SIN3A: variants seen among roughly 807,000 people sequenced by gnomAD.
SIN3A encodes SIN3 transcription regulator family member A.
Under a neutral mutation model 146.1 loss-of-function variants are expected in SIN3A, and 14 were observed. The observed-to-expected ratio is 0.10, with a 90% CI of 0.06 to 0.15. The LOEUF (loss-of-function observed/expected upper bound fraction) is 0.15, where lower values mean the gene tolerates loss of function less well. SIN3A is among the 10% of genes least tolerant of loss of function. The pLI, the probability that SIN3A is intolerant of heterozygous loss-of-function variation, is 1.00. For missense variants in SIN3A, 1,028 were observed against 1,576.0 expected (o/e 0.65, Z 5.89); for synonymous variants, 572 against 572.0 (o/e 1.00, Z 0.00).
chr15:75,451,184 G>A (rs2074400275), intron 1 of SIN3A, among the ~76,000 whole-genome samples: 1 of 150,242 alleles, frequency 6.7e-6, no homozygotes, highest in African/African-American at 2.4e-5. Context: ...CCGCCTCTGA[G>A]CGGCGGCGCG....
chr15:75,407,151 A>G lies in SIN3A; in HGVS notation c.1318-7T>C, dbSNP rs1250680557. 1 of 1,587,474 alleles carries G rather than the reference A, an allele frequency of 6.3e-7. No individual in the cohort carries two copies. The highest frequency in any genetic ancestry group is 8.6e-7 in the Non-Finnish European group (1 of 1,157,862). On this transcript the variant is annotated splice_region_variant and splice_polypyrimidine_tract_variant and intron_variant, in intron 8 of 20. Coordinates refer to ENST00000394947, the MANE Select transcript of SIN3A (RefSeq NM_001145358.2). ...TGAGCAGTTTGGGTTTCTTCTGCAA[A>G]AGAAAGATACAAACATGTGAGATTC... is the stretch of plus-strand genomic sequence containing the variant.
At chr15:75,383,163 T>C (rs2073007254) in intron 17 of SIN3A, among the ~76,000 whole-genome samples, 1 of 150,774 alleles carries the variant, frequency 6.6e-6, no homozygotes, top group South Asian at 2.1e-4. Flanking sequence ...TCCCAGCTAC[T>C]AGGGTGGCTG....
chr15:75,393,458 C>T (rs888546642), intron 14 of SIN3A, among the ~76,000 whole-genome samples: 2 of 151,998 alleles, frequency 1.3e-5, no homozygotes, highest in Non-Finnish European at 2.9e-5. Flanking sequence ...CTCATTGTAA[C>T]CTCCGTCTCC....
rs1002918570 is a variant in SIN3A at position 75,411,522 on chromosome 15, T to C, written c.978A>G (p.Lys326=). The C allele has an allele frequency of 6.2e-7, 1 of 1,614,192 alleles. No individual in the cohort carries two copies. Among genetic ancestry groups the C allele is most frequent in the Non-Finnish European group, 8.5e-7 (1 of 1,180,016 alleles). The change falls in exon 6 of 21, where the codon AAA becomes AAG. Residue 326 remains lysine, a synonymous_variant. Transcript: ENST00000394947. ...ATGTGTGCAAAATCTCCAGGAATGC[T>C]TTGTAGATGTCTGGTTGGCCCTGAA... is the stretch of plus-strand genomic sequence containing the variant. ...NRFQGQPDIY[K]AFLEILHTYQ...
chr15:75,424,208 G>A lies in SIN3A; in HGVS notation c.190-1385C>T, dbSNP rs576654194. Among the ~76,000 whole-genome samples, 10 of 152,066 alleles carry A rather than the reference G, an allele frequency of 6.6e-5. No individual in the cohort carries two copies. In the East Asian group the frequency reaches 1.4e-3, roughly 21 times the overall value. The stretch of plus-strand genomic sequence containing the variant: ...AGCACTTTGGGAGGCCGAGGTGGGC[G>A]GATCACCTGAGGTTGGGAGTTCTCG... On this transcript the variant is annotated intron_variant, in intron 2 of 20. Coordinates refer to ENST00000394947, the MANE Select transcript of SIN3A (RefSeq NM_001145358.2).
chr15:75,400,014 A>G, intron 12 of SIN3A, 26 bp downstream of exon 12: 1 of 1,334,208 alleles, frequency 7.5e-7, no homozygotes, highest in Non-Finnish European at 1.1e-6. Flanking sequence ...ATTTCCCCCA[A>G]CTTCAAATGC....
chr15:75,411,800 A>T, intron 5 of SIN3A, 57 bp from the exon 6 acceptor site: 1 of 1,508,994 alleles, frequency 6.6e-7, no homozygotes. Context: ...TGATACAAGG[A>T]AAGTTCAAAC....
chr15:75,455,591 G>C (rs1223789375), upstream of SIN3A: 2 of 152,376 alleles, frequency 1.3e-5, no homozygotes, highest in East Asian at 3.9e-4. Context: ...ACTGGCGAGC[G>C]GGCGGCGCCA....
intron 1 of SIN3A, among the ~76,000 whole-genome samples, chr15:75,432,679 C>A (rs2074031931): frequency 9.3e-6 from 1 of 107,282 alleles, no homozygotes; most frequent in Non-Finnish European, 1.8e-5. Context: ...GACTGAGACT[C>A]TGTCTCAAAA....
chr15:75,393,506 A>T (rs1429565178), intron 14 of SIN3A, among the ~76,000 whole-genome samples: 5 of 151,980 alleles, frequency 3.3e-5, no homozygotes, highest in Non-Finnish European at 7.4e-5. Context: ...CCTCCTGAGT[A>T]GCTGGGATTA....
chr15:75,421,464 T>C (rs1375649779), intron 3 of SIN3A: 2 of 152,224 alleles, frequency 1.3e-5, no homozygotes, highest in East Asian at 3.8e-4. Flanking sequence ...CTAAATCACA[T>C]AGCTTTGCTG....
chr15:75,451,022 TACCCCTCCCCG>T (rs1475256921), intron 1 of SIN3A, among the ~76,000 whole-genome samples: 1 of 48,660 alleles, frequency 2.1e-5, no homozygotes, highest in Non-Finnish European at 4.5e-5. Flanking sequence ...GACCCCCCCC[TACCCCTCCCCG>T]ACCCCAGCAG....
At chr15:75,440,178 T>G (rs888677148) in intron 1 of SIN3A, among the ~76,000 whole-genome samples, 1 of 150,530 alleles carries the variant, frequency 6.6e-6, no homozygotes, top group African/African-American at 2.4e-5. Context: ...TAAATAACTT[T>G]AAAAAAACCC....
At chr15:75,445,278 G>A (rs532818996) in intron 1 of SIN3A, among the ~76,000 whole-genome samples, 27 of 151,664 alleles carry the variant, frequency 1.8e-4, no homozygotes, top group Non-Finnish European at 4.0e-4. Flanking sequence ...CTACTCAGGA[G>A]GCTGAGACAG....
At chr15:75,440,653 T>C (rs1324350835) in intron 1 of SIN3A, among the ~76,000 whole-genome samples, 20 of 152,166 alleles carry the variant, frequency 1.3e-4, no homozygotes, top group Admixed American at 1.2e-3. Context: ...TGCATGAACT[T>C]GGAACACAGC....
At chr15:75,428,265 T>C (rs2073960264) in intron 2 of SIN3A, among the ~76,000 whole-genome samples, 1 of 152,164 alleles carries the variant, frequency 6.6e-6, no homozygotes, top group Non-Finnish European at 1.5e-5. Context: ...GTTAAGGAGT[T>C]TGCACCACAA....
At chr15:75,415,128 T>C (rs995783736) in intron 3 of SIN3A, 4 of 152,106 alleles carry the variant, frequency 2.6e-5, no homozygotes, top group Admixed American at 6.5e-5. Context: ...GCAGAAAAGA[T>C]TGAAAGGAGG....
chr15:75,439,339 CAT>C (rs992329204), intron 1 of SIN3A, among the ~76,000 whole-genome samples: 66 of 151,802 alleles, frequency 4.3e-4, no homozygotes, highest in Admixed American at 1.1e-3. Context: ...CCAACTGTCA[CAT>C]ATCTTTTTTT....
At position 75,414,307 on chromosome 15, in the gene SIN3A, T is replaced by C; in HGVS notation, c.371A>G (p.Glu124Gly). ...GQQQFQRLKV[E>G]DALSYLDQVK... is the part of the protein sequence containing the mutation. ...CTGGTCAAGATAAGATAGCGCATCC[T>C]CCACCTGAGGCAGGGATAAATATCA... The change falls in exon 4 of 21, where the codon GAG (glutamate) becomes GGG (glycine). Residue 124 changes from glutamate to glycine, a missense_variant. Glu to Gly is a moderately conservative substitution (Grantham distance 98). Coordinates refer to ENST00000394947, the MANE Select transcript of SIN3A (RefSeq NM_001145358.2). The C allele has an allele frequency of 6.8e-7, 1 of 1,481,160 alleles. No individual in the cohort carries two copies. The highest frequency in any genetic ancestry group is 1.5e-5 in the South Asian group (1 of 66,590). 91.8% of individuals were successfully genotyped at this position (1,481,160 alleles called of 1,614,324 possible). A position where few individuals can be genotyped will look rare whatever the true frequency, so the allele number is the denominator to read the frequency against.
Sources: gnomAD v4.1 joint callset for allele counts (sites outside exome capture counted in the v4.1 genomes callset) on GRCh38, gnomAD v4.1.1 for gene constraint, MANE v1.5 for transcripts, NCBI Gene and HGNC (gene_info 2026-07-23, HGNC 2026-07-21) for gene names.